Variants in NRG1 observed in about 807,000 individuals in gnomAD.
NRG1 encodes neuregulin 1, also known as pro-neuregulin-1, membrane-bound isoform.
Under a neutral mutation model 63.8 loss-of-function variants are expected in NRG1, and 18 were observed. The ratio of observed to expected loss-of-function variants is 0.28; its 90% CI spans 0.19 to 0.42. The LOEUF is 0.42. Among genes scored for constraint, NRG1 ranks in the 10% least tolerant of loss-of-function variants. NRG1 has a pLI of 1.00. For synonymous variants in NRG1, 302 were observed against 301.3 expected, an observed-to-expected ratio of 1.00 and a Z score of -0.02; for missense variants, 762 against 814.7, an observed-to-expected ratio of 0.94 and a Z score of 0.79.
intron 1 of NRG1, among the ~76,000 whole-genome samples, chr8:32,581,384 A>C (rs891677345): frequency 1.2e-4 from 19 of 152,200 alleles, no homozygotes; most frequent in Admixed American, 9.8e-4. Context: ...AACCCTGATA[A>C]ATTCAATATG....
At chr8:32,182,090 G>C (rs980638924) in intron 1 of NRG1, among the ~76,000 whole-genome samples, 2 of 152,214 alleles carry the variant, frequency 1.3e-5, no homozygotes, top group Non-Finnish European at 2.9e-5. Context: ...GATCAGCTGA[G>C]GTTGGCTGTT....
intron 1 of NRG1, among the ~76,000 whole-genome samples, chr8:32,398,585 AT>A (rs1165949894): frequency 1.3e-5 from 2 of 151,798 alleles, no homozygotes; most frequent in African/African-American, 2.4e-5. Flanking sequence ...TGATCTTTGT[AT>A]TTTTGGTAGA....
chr8:32,584,133 G>A (rs2466063), intron 1 of NRG1, among the ~76,000 whole-genome samples: 143,931 of 152,252 alleles, frequency 0.95, 68,564 homozygotes, highest in East Asian at 1. Context: ...TCCATCATAC[G>A]GTTTGACTTT....
intron 7 of NRG1, among the ~76,000 whole-genome samples, chr8:32,773,936 A>G (rs1831948476): frequency 1.3e-5 from 2 of 152,204 alleles, no homozygotes; most frequent in Non-Finnish European, 2.9e-5. Flanking sequence ...TCATTGGCCT[A>G]CGAACTTTAT....
intron 1 of NRG1, among the ~76,000 whole-genome samples, chr8:32,049,259 A>G (rs143490575): frequency 1.2e-3 from 184 of 152,242 alleles, no homozygotes; most frequent in South Asian, 2.7e-3. Context: ...CTTGTATTTA[A>G]TCTTTCCCTA....
intron 1 of NRG1, among the ~76,000 whole-genome samples, chr8:32,359,492 G>T (rs1806935677): frequency 6.6e-6 from 1 of 152,164 alleles, no homozygotes; most frequent in Admixed American, 6.5e-5. Context: ...TGAAGCTAAT[G>T]AAACCTGCAT....
At chr8:32,396,648 A>C (rs977549553) in intron 1 of NRG1, among the ~76,000 whole-genome samples, 1 of 152,044 alleles carries the variant, frequency 6.6e-6, no homozygotes, top group Non-Finnish European at 1.5e-5. Flanking sequence ...GGGTTTCACT[A>C]TGTTGGTTAG....
At chr8:32,571,695 T>C (rs990308328) in intron 1 of NRG1, among the ~76,000 whole-genome samples, 3 of 152,226 alleles carry the variant, frequency 2.0e-5, no homozygotes, top group African/African-American at 7.2e-5. Context: ...TTTTGCTTCA[T>C]GTCTATTTCA....
intron 1 of NRG1, among the ~76,000 whole-genome samples, chr8:32,182,592 C>T (rs1841549627): frequency 6.6e-6 from 1 of 152,116 alleles, no homozygotes; most frequent in Non-Finnish European, 1.5e-5. Flanking sequence ...CTGGTGTGGT[C>T]GATCAAGAAT....
intron 1 of NRG1, among the ~76,000 whole-genome samples, chr8:32,392,914 G>A (rs556047214): frequency 6.6e-6 from 1 of 152,154 alleles, no homozygotes; most frequent in East Asian, 1.9e-4. Context: ...AGAGCCCTTG[G>A]GATCCAGGGA....
At chr8:32,191,714 G>A (rs986950301) in intron 1 of NRG1, among the ~76,000 whole-genome samples, 5 of 152,190 alleles carry the variant, frequency 3.3e-5, no homozygotes, top group African/African-American at 9.7e-5. Context: ...AGGAGAGAGT[G>A]TATGGCCTGG....
At chr8:31,767,234 AAGTGT>A (rs1465268273) in intron 1 of NRG1, among the ~76,000 whole-genome samples, 1 of 152,196 alleles carries the variant, frequency 6.6e-6, no homozygotes, top group Non-Finnish European at 1.5e-5. Context: ...TCAGGAACAG[AAGTGT>A]AGAACAAAAA....
chr8:31,867,676 T>A (rs1379931618), intron 1 of NRG1, among the ~76,000 whole-genome samples: 1 of 152,162 alleles, frequency 6.6e-6, no homozygotes, highest in African/African-American at 2.4e-5. Flanking sequence ...CAGAAAAATA[T>A]CCATGATAAA....
chr8:32,558,598 G>C (rs1430151414), intron 1 of NRG1, among the ~76,000 whole-genome samples: 1 of 152,150 alleles, frequency 6.6e-6, no homozygotes, highest in Non-Finnish European at 1.5e-5. Flanking sequence ...CTGTGCCTCT[G>C]ATATCACAGG....
intron 1 of NRG1, among the ~76,000 whole-genome samples, chr8:32,233,780 G>A (rs1333186986): frequency 6.6e-6 from 1 of 151,692 alleles, no homozygotes; most frequent in Non-Finnish European, 1.5e-5. Context: ...GGCCAGGTTG[G>A]CCTCGATCTC....
intron 1 of NRG1, among the ~76,000 whole-genome samples, chr8:32,385,314 C>A (rs1345719664): frequency 2.0e-5 from 3 of 152,094 alleles, no homozygotes; most frequent in Admixed American, 6.6e-5. Flanking sequence ...CGTGAGCCAC[C>A]GCGCCTGGCT....
chr8:32,268,831 C>G (rs1851259024), intron 1 of NRG1, among the ~76,000 whole-genome samples: 1 of 152,104 alleles, frequency 6.6e-6, no homozygotes, highest in Admixed American at 6.5e-5. Context: ...TTGACCAGCC[C>G]TGTGCAAGTC....
At chr8:32,404,822 T>A (rs904647947) in intron 1 of NRG1, among the ~76,000 whole-genome samples, 2 of 152,110 alleles carry the variant, frequency 1.3e-5, no homozygotes, top group African/African-American at 4.8e-5. Context: ...TAATGTCAAG[T>A]GATCCACCTG....
intron 1 of NRG1, among the ~76,000 whole-genome samples, chr8:31,706,998 T>A (rs1456693466): frequency 1.3e-5 from 2 of 152,080 alleles, no homozygotes; most frequent in African/African-American, 4.8e-5. Flanking sequence ...CTGAGTATCA[T>A]CTTTTTTTCT....
Sources: allele counts gnomAD v4.1 joint callset (sites outside exome capture counted in the v4.1 genomes callset), GRCh38; gene constraint gnomAD v4.1.1; transcripts MANE v1.5; gene names NCBI Gene and HGNC (gene_info 2026-07-23, HGNC 2026-07-21).